Variants in PPP1R9A observed in about 807,000 individuals in gnomAD.
PPP1R9A encodes the protein neurabin-1.
In PPP1R9A, 59 loss-of-function variants were observed where a neutral mutation model predicts 141.9. The ratio of observed to expected loss-of-function variants is 0.42; its 90% CI spans 0.34 to 0.52. The LOEUF (loss-of-function observed/expected upper bound fraction) is 0.52. PPP1R9A is among the 20% of genes least tolerant of loss of function. The pLI, the probability that PPP1R9A is intolerant of heterozygous loss-of-function variation, is 0.10. For synonymous variants in PPP1R9A, 500 were observed against 569.7 expected, an observed-to-expected ratio of 0.88 and a Z score of 1.74; for missense variants, 1,444 against 1,611.9, an observed-to-expected ratio of 0.90 and a Z score of 1.78.
chr7:95,283,673 A>C (rs1044166581), intron 16 of PPP1R9A, among the ~76,000 whole-genome samples: 1 of 152,176 alleles, frequency 6.6e-6, no homozygotes, highest in Non-Finnish European at 1.5e-5. Context: ...GAGGCATGTC[A>C]CCCAGATAAA....
intron 2 of PPP1R9A, among the ~76,000 whole-genome samples, chr7:95,052,573 A>G (rs1278192495): frequency 6.6e-6 from 1 of 152,190 alleles, no homozygotes; most frequent in African/African-American, 2.4e-5. Flanking sequence ...GTTGAATTGT[A>G]GGCATTTTAA....
chr7:94,962,575 G>A (rs976283513), intron 2 of PPP1R9A, among the ~76,000 whole-genome samples: 16 of 151,816 alleles, frequency 1.1e-4, no homozygotes, highest in Non-Finnish European at 1.2e-4. Flanking sequence ...TCCTTATAAG[G>A]AAAACATCAG....
At chr7:95,143,451 G>A (rs1466547379) in intron 4 of PPP1R9A, among the ~76,000 whole-genome samples, 1 of 152,126 alleles carries the variant, frequency 6.6e-6, no homozygotes, top group Non-Finnish European at 1.5e-5. Flanking sequence ...TCTGCTCTCA[G>A]AGTGGGGCCC....
At chr7:95,281,482 C>G (rs1368123809) in intron 16 of PPP1R9A, among the ~76,000 whole-genome samples, 1 of 152,198 alleles carries the variant, frequency 6.6e-6, no homozygotes, top group Non-Finnish European at 1.5e-5. Context: ...CACATGGCCT[C>G]AAGACCCTCC....
chr7:95,066,177 C>T (rs1429623437), intron 2 of PPP1R9A, among the ~76,000 whole-genome samples: 1 of 152,142 alleles, frequency 6.6e-6, no homozygotes, highest in Non-Finnish European at 1.5e-5. Context: ...GAAATTTGGA[C>T]ATACTTAGCG....
chr7:94,977,840 G>A (rs761154137), intron 2 of PPP1R9A, among the ~76,000 whole-genome samples: 16 of 148,652 alleles, frequency 1.1e-4, no homozygotes, highest in African/African-American at 1.7e-4. Flanking sequence ...TCGGCTCACT[G>A]CAACCACTGC....
chr7:95,119,811 G>A (rs1822200354), intron 3 of PPP1R9A, among the ~76,000 whole-genome samples: 1 of 151,866 alleles, frequency 6.6e-6, no homozygotes, highest in Non-Finnish European at 1.5e-5. Context: ...TCTCATTTGT[G>A]TAAGCAAATA....
chr7:95,211,159 TTAAA>T (rs1397699514), intron 7 of PPP1R9A, among the ~76,000 whole-genome samples: 1 of 151,188 alleles, frequency 6.6e-6, no homozygotes, highest in African/African-American at 2.4e-5. Context: ...AAAAAAAACA[TTAAA>T]AATAATAATA....
intron 2 of PPP1R9A, among the ~76,000 whole-genome samples, chr7:95,011,173 C>T (rs1316377083): frequency 1.3e-5 from 2 of 152,074 alleles, no homozygotes; most frequent in East Asian, 1.9e-4. Context: ...ATCATGCAAA[C>T]ATTAATATCT....
intron 2 of PPP1R9A, among the ~76,000 whole-genome samples, chr7:94,990,616 T>G (rs529604762): frequency 1.4e-4 from 21 of 152,236 alleles, no homozygotes; most frequent in African/African-American, 4.8e-4. Flanking sequence ...AATGTATTCA[T>G]TTTACAATAC....
intron 4 of PPP1R9A, among the ~76,000 whole-genome samples, chr7:95,125,701 C>G (rs1216441743): frequency 1.3e-5 from 2 of 152,170 alleles, no homozygotes; most frequent in East Asian, 3.9e-4. Flanking sequence ...TTTTGTTTCA[C>G]AAGCTTTTGC....
At chr7:95,260,772 A>T (rs1345129032) in intron 12 of PPP1R9A, among the ~76,000 whole-genome samples, 1 of 152,066 alleles carries the variant, frequency 6.6e-6, no homozygotes, top group Admixed American at 6.6e-5. Flanking sequence ...TTTTAGGAAA[A>T]GTGGGCTACT....
chr7:95,260,997 AT>A (rs1184635194), intron 12 of PPP1R9A, among the ~76,000 whole-genome samples: 12 of 152,198 alleles, frequency 7.9e-5, no homozygotes, highest in African/African-American at 2.9e-4. Flanking sequence ...TCACCATGAA[AT>A]TCTAATTATA....
intron 2 of PPP1R9A, among the ~76,000 whole-genome samples, chr7:95,069,642 A>G (rs1446759342): frequency 6.6e-6 from 1 of 152,066 alleles, no homozygotes; most frequent in Non-Finnish European, 1.5e-5. Context: ...TTCAGTGTTG[A>G]CACTTGAAGT....
intron 2 of PPP1R9A, among the ~76,000 whole-genome samples, chr7:95,032,279 G>C (rs140530808): frequency 6.6e-6 from 1 of 152,110 alleles, no homozygotes; most frequent in Non-Finnish European, 1.5e-5. Flanking sequence ...CAGGTTCATG[G>C]ACGATTTCTC....
intron 2 of PPP1R9A, among the ~76,000 whole-genome samples, chr7:95,073,957 A>G (rs1182758212): frequency 6.6e-6 from 1 of 152,182 alleles, no homozygotes; most frequent in African/African-American, 2.4e-5. Flanking sequence ...ATGAATTTTC[A>G]TTTTAAGATA....
chr7:95,119,158 G>A (rs1413947928), intron 3 of PPP1R9A, among the ~76,000 whole-genome samples: 3 of 152,096 alleles, frequency 2.0e-5, no homozygotes, highest in Admixed American at 6.5e-5. Context: ...AGTAAAGCAT[G>A]ATTACAAAGA....
At chr7:95,253,524 T>C (rs116391951) in intron 12 of PPP1R9A, among the ~76,000 whole-genome samples, 1,924 of 150,748 alleles carry the variant, frequency 0.013, 28 homozygotes, top group African/African-American at 0.045. Flanking sequence ...AAATAGTGCC[T>C]CTTAGGCAGC....
At chr7:95,168,608 T>A (rs193175024) in intron 5 of PPP1R9A, among the ~76,000 whole-genome samples, 1 of 152,060 alleles carries the variant, frequency 6.6e-6, no homozygotes, top group Non-Finnish European at 1.5e-5. Flanking sequence ...AGACAGCCTG[T>A]TGAATGGGAG....
Sources: allele counts gnomAD v4.1 joint callset (sites outside exome capture counted in the v4.1 genomes callset), GRCh38; gene constraint gnomAD v4.1.1; transcripts MANE v1.5; gene names NCBI Gene and HGNC (gene_info 2026-07-23, HGNC 2026-07-21).